STON2: variants seen among roughly 807,000 people sequenced by gnomAD.
STON2 encodes the protein stonin 2.
In STON2, 29 loss-of-function variants were observed where a neutral mutation model predicts 65.7. The ratio of observed to expected loss-of-function variants is 0.44; its 90% CI spans 0.33 to 0.60. The LOEUF (loss-of-function observed/expected upper bound fraction) is 0.60. Ranked by LOEUF, STON2 falls within the 20% of genes least tolerant of loss-of-function variation. The probability of loss-of-function intolerance (pLI) is 0.03; values close to 1 mark genes in which losing one functional copy is unlikely to be tolerated. For missense variants in STON2, 1,054 were observed against 1,118.1 expected (o/e 0.94, Z 0.82); for synonymous variants, 404 against 414.2 (o/e 0.98, Z 0.30).
chr14:81,356,190 C>T (rs2140327563), intron 4 of STON2, among the ~76,000 whole-genome samples: 1 of 152,198 alleles, frequency 6.6e-6, no homozygotes, highest in East Asian at 1.9e-4. Flanking sequence ...CTATCAATAC[C>T]TAATTTATTG....
chr14:81,432,887 C>T (rs573691303), intron 1 of STON2, among the ~76,000 whole-genome samples: 18 of 152,346 alleles, frequency 1.2e-4, no homozygotes, highest in African/African-American at 4.3e-4. Context: ...TTCCATTGGA[C>T]TCTTCTATTC....
chr14:81,424,230 T>A (rs113416258), intron 2 of STON2, among the ~76,000 whole-genome samples: 12,132 of 152,066 alleles, frequency 0.08, 789 homozygotes, highest in East Asian at 0.18. Context: ...GATCACTTGA[T>A]GTCAGGAGTT....
intron 5 of STON2, among the ~76,000 whole-genome samples, chr14:81,280,226 G>A (rs1566886758): frequency 6.6e-6 from 1 of 152,174 alleles, no homozygotes; most frequent in Admixed American, 6.5e-5. Flanking sequence ...ATGAGGGCAA[G>A]ATCTAAACTT....
At chr14:81,402,690 G>A (rs900165922), upstream of STON2, among the ~76,000 whole-genome samples, 26 of 152,102 alleles carry the variant, frequency 1.7e-4, no homozygotes, top group African/African-American at 5.8e-4. Context: ...GAACGAGTTT[G>A]AGCTCTGGAG....
intron 1 of STON2, among the ~76,000 whole-genome samples, chr14:81,428,892 A>G (rs1305812559): frequency 1.3e-5 from 2 of 152,236 alleles, no homozygotes; most frequent in Non-Finnish European, 2.9e-5. Context: ...GCAATGGTCT[A>G]GTGTCTAACT....
At chr14:81,405,476 TGCTTGACTATGGTTTTTA>T (rs1900808055) in intron 2 of STON2, among the ~76,000 whole-genome samples, 1 of 148,138 alleles carries the variant, frequency 6.8e-6, no homozygotes, top group Non-Finnish European at 1.5e-5. Context: ...TTTTTTTTTT[TGCTTGACTATGGTTTTTA>T]TTTTCCTAAG....
intron 3 of STON2, among the ~76,000 whole-genome samples, chr14:81,374,177 ATT>A (rs745568584): frequency 7.0e-6 from 1 of 143,220 alleles, no homozygotes. Flanking sequence ...TGCCCGGCCG[ATT>A]TTTTTTTTTT....
At chr14:81,405,659 T>C (rs1900823100) in intron 2 of STON2, among the ~76,000 whole-genome samples, 1 of 152,112 alleles carries the variant, frequency 6.6e-6, no homozygotes, top group Non-Finnish European at 1.5e-5. Context: ...AGAGCTTGTA[T>C]AAAGCTTGGT....
At position 81,262,804 on chromosome 14, in the gene STON2, TG is replaced by T; in HGVS notation, c.*5609del. The stretch of plus-strand genomic sequence containing the variant: ...TCACATTCTTGTTCTAGTTAATACA[TG>T]GGAGAATATTACTAATACATACATT... On this transcript the variant is annotated 3_prime_UTR_variant, in exon 8 of 8. Coordinates refer to ENST00000614646, the MANE Select transcript of STON2 (RefSeq NM_001394390.1). 1.0e-6 allele frequency: 1 copy of T among 985,408 alleles called. No homozygotes were observed. Among genetic ancestry groups the T allele is most frequent in the East Asian group, 1.1e-4 (1 of 8,822 alleles). 61.0% of individuals were successfully genotyped at this position (985,408 alleles called of 1,614,324 possible). A position where few individuals can be genotyped will look rare whatever the true frequency, so the allele number is the denominator to read the frequency against.
chr14:81,323,564 A>G (rs1158014864), intron 5 of STON2: 1 of 152,202 alleles, frequency 6.6e-6, no homozygotes, highest in Non-Finnish European at 1.5e-5. Flanking sequence ...ACTCCTTTAA[A>G]TAAAGGGTCT....
intron 4 of STON2, among the ~76,000 whole-genome samples, chr14:81,364,846 C>G (rs1898649069): frequency 6.6e-6 from 1 of 152,122 alleles, no homozygotes; most frequent in Non-Finnish European, 1.5e-5. Flanking sequence ...ATCAGGGATG[C>G]AGACGATTTT....
chr14:81,399,271 T>G (rs1900482772), intron 1 of STON2, among the ~76,000 whole-genome samples: 1 of 152,250 alleles, frequency 6.6e-6, no homozygotes, highest in South Asian at 2.1e-4. Context: ...GACATAATTT[T>G]GTTCATGGTA....
chr14:81,338,221 G>T (rs987395062), intron 4 of STON2, among the ~76,000 whole-genome samples: 2 of 152,204 alleles, frequency 1.3e-5, no homozygotes, highest in African/African-American at 4.8e-5. Flanking sequence ...CCAACCATGT[G>T]ATGAAAGGAT....
intron 2 of STON2, among the ~76,000 whole-genome samples, chr14:81,425,403 T>A (rs112785516): frequency 3.3e-5 from 5 of 152,110 alleles, no homozygotes; most frequent in African/African-American, 1.2e-4. Flanking sequence ...TGAAACTCCA[T>A]CTCCACTACC....
intron 4 of STON2, among the ~76,000 whole-genome samples, chr14:81,345,698 T>C (rs978168001): frequency 2.0e-5 from 3 of 151,950 alleles, no homozygotes; most frequent in Non-Finnish European, 4.4e-5. Context: ...GAGGCAGAGG[T>C]TGCAGTGAAC....
Position 81,305,091 on chromosome 14 carries a change from ATTCAT to A in STON2, c.742+18921_742+18925del, listed in dbSNP as rs1309416330. Among the ~76,000 whole-genome samples, 3 of 152,234 alleles carry A rather than the reference ATTCAT, an allele frequency of 2.0e-5. No homozygotes were observed. The East Asian group carries it at 5.8e-4, about 29-fold the overall frequency. ...TGTTCTCTTTATGTTCATGAGATTCATTCATTTCATTACATGTGATGTGTTAGTTT... is the reference window on the plus strand; with the variant it reads ...TGTTCTCTTTATGTTCATGAGATTCATTCATTACATGTGATGTGTTAGTTT... On this transcript the variant is annotated intron_variant, in intron 5 of 7. Transcript: ENST00000614646.
chr14:81,348,103 G>A (rs1022631547), intron 4 of STON2, among the ~76,000 whole-genome samples: 5 of 151,958 alleles, frequency 3.3e-5, no homozygotes, highest in Admixed American at 2.0e-4. Flanking sequence ...CAACAAATAA[G>A]GCGTAGTAAG....
rs1210467214 is a variant in STON2, at chr14:81,363,445, ATG to A, written c.571+7541_571+7542del. ...CTGCCAAATGGTAGGAACTCAATAT[ATG>A]TGTTTCTGAGAAACTTTTGAACCTC... is the stretch of plus-strand genomic sequence containing the variant. On this transcript the variant is annotated intron_variant, in intron 4 of 7. Coordinates refer to ENST00000614646, the MANE Select transcript of STON2 (RefSeq NM_001394390.1). 6.6e-5 allele frequency among the ~76,000 whole-genome samples: 10 copies of A among 152,276 alleles called. No homozygotes were observed. In the South Asian group the frequency reaches 1.2e-3, roughly 19 times the overall value.
chr14:81,414,597 C>T (rs1477162988), intron 2 of STON2, among the ~76,000 whole-genome samples: 1 of 151,676 alleles, frequency 6.6e-6, no homozygotes, highest in Non-Finnish European at 1.5e-5. Flanking sequence ...TGAAATGAGG[C>T]TTTTCTCAAG....
Sources: gnomAD v4.1 joint callset for allele counts (sites outside exome capture counted in the v4.1 genomes callset) on GRCh38, gnomAD v4.1.1 for gene constraint, MANE v1.5 for transcripts, NCBI Gene and HGNC (gene_info 2026-07-23, HGNC 2026-07-21) for gene names.